EPC2: variants seen among roughly 807,000 people sequenced by gnomAD.
The protein encoded by EPC2 is enhancer of polycomb homolog 2.
A neutral mutation model predicts 92.1 loss-of-function variants in EPC2; 14 were observed. That is an observed-to-expected ratio of 0.15 (90% confidence interval 0.10 to 0.24). The LOEUF (loss-of-function observed/expected upper bound fraction) is 0.24. Among genes scored for constraint, EPC2 ranks in the 10% least tolerant of loss-of-function variants. The pLI is 1.00. For missense variants in EPC2, 755 were observed against 971.5 expected (o/e 0.78, Z 2.96); for synonymous variants, 340 against 334.7 (o/e 1.02, Z -0.17).
chr2:148,657,086 A>G (rs1227315433), intron 1 of EPC2, among the ~76,000 whole-genome samples: 1 of 151,992 alleles, frequency 6.6e-6, no homozygotes, highest in Admixed American at 6.6e-5. Context: ...CAGTTTTGGG[A>G]TCTAGTGTAG....
Position 148,784,732 on chromosome 2 carries a change from A to C in EPC2, c.2082A>C (p.Val694=). Residue 694 remains valine, a synonymous_variant, in exon 13 of 14, where the codon GTA becomes GTC. Coordinates refer to ENST00000258484, the MANE Select transcript of EPC2 (RefSeq NM_015630.4). The part of the protein sequence containing the change: ...ALSSSPGISA[V]QLVRTVGHTT... ...CATCCAGCCCAGGGATTTCAGCTGT[A>C]CAGCTTGTAAGGACAGTTGGCCACA... 1 of 1,613,952 alleles carries C rather than the reference A, an allele frequency of 6.2e-7. No individual in the cohort carries two copies. The highest frequency in any genetic ancestry group is 8.5e-7 in the Non-Finnish European group (1 of 1,179,842).
chr2:148,756,203 C>G (rs757816862), intron 4 of EPC2, among the ~76,000 whole-genome samples: 2 of 152,174 alleles, frequency 1.3e-5, no homozygotes, highest in African/African-American at 2.4e-5. Context: ...TACCCTTTCT[C>G]TTGTTTGTTA....
intron 2 of EPC2, among the ~76,000 whole-genome samples, chr2:148,726,765 G>GTTTTTTTTTTTTTTTTTT (rs201293391): frequency 9.9e-5 from 10 of 100,590 alleles, no homozygotes; most frequent in South Asian, 3.4e-4. Context: ...TTTGTTTTTT[G>GTTTTTTTTTTTTTTTTTT]TTTTTTTTTT....
rs1559140933 is a variant in EPC2 at position 148,663,195 on chromosome 2, TATTA to T, written c.153+18026_153+18029del. Among the ~76,000 whole-genome samples the T allele has an allele frequency of 1.9e-3, 11 of 5,700 alleles. 1 individual carries two copies. In the South Asian group the frequency reaches 0.069, roughly 36 times the overall value. 3.7% of individuals were successfully genotyped at this position (5,700 alleles called of 152,430 possible). On this transcript the variant is annotated intron_variant, in intron 1 of 13. Transcript: ENST00000258484. Reference sequence around the variant, plus strand: ...TCAAAAGGTATCTACTGTGTTTTTGTATTATTATTATTATTATTATTATTATTAT... The same window carrying T: ...TCAAAAGGTATCTACTGTGTTTTTGTTTATTATTATTATTATTATTATTAT...
chr2:148,759,682 T>G (rs1273507198), intron 4 of EPC2, among the ~76,000 whole-genome samples: 2 of 152,102 alleles, frequency 1.3e-5, no homozygotes, highest in Non-Finnish European at 2.9e-5. Context: ...TCAAAAATAG[T>G]ACTGCTGATA....
intron 1 of EPC2, among the ~76,000 whole-genome samples, chr2:148,646,588 TTGTA>T (rs1470474831): frequency 8.7e-6 from 1 of 115,520 alleles, no homozygotes; most frequent in Non-Finnish European, 1.8e-5. Context: ...ACTTTTTTTT[TTGTA>T]TGTGAGAACT....
At chr2:148,699,442 A>G (rs1357584674) in intron 2 of EPC2, among the ~76,000 whole-genome samples, 1 of 152,204 alleles carries the variant, frequency 6.6e-6, no homozygotes, top group Non-Finnish European at 1.5e-5. Context: ...TCGCTGGTAC[A>G]TTCTTCCAAA....
At chr2:148,737,804 G>A (rs754445064) in intron 2 of EPC2, among the ~76,000 whole-genome samples, 6 of 151,632 alleles carry the variant, frequency 4.0e-5, no homozygotes, top group East Asian at 1.9e-4. Flanking sequence ...AATGATAGCC[G>A]ATGAGCTTAA....
At chr2:148,703,840 T>C (rs1348646884) in intron 2 of EPC2, among the ~76,000 whole-genome samples, 2 of 152,148 alleles carry the variant, frequency 1.3e-5, no homozygotes, top group African/African-American at 4.8e-5. Context: ...AAAAAATCAG[T>C]TTTAAAAACA....
chr2:148,701,890 C>G (rs1052650960), intron 2 of EPC2, among the ~76,000 whole-genome samples: 1 of 152,004 alleles, frequency 6.6e-6, no homozygotes, highest in African/African-American at 2.4e-5. Context: ...TGATTTGACT[C>G]TACTTATTAT....
At chr2:148,674,756 C>T (rs1024104875) in intron 1 of EPC2, among the ~76,000 whole-genome samples, 2 of 152,198 alleles carry the variant, frequency 1.3e-5, no homozygotes, top group Non-Finnish European at 2.9e-5. Context: ...AAACCCATTT[C>T]AATGCACGTG....
chr2:148,701,726 G>A (rs935722653), intron 2 of EPC2, among the ~76,000 whole-genome samples: 2 of 152,018 alleles, frequency 1.3e-5, no homozygotes, highest in South Asian at 2.1e-4. Flanking sequence ...TTTAGGATTG[G>A]GGTGATGCTG....
intron 12 of EPC2, among the ~76,000 whole-genome samples, chr2:148,784,255 A>G (rs183195612): frequency 9.8e-5 from 15 of 152,286 alleles, no homozygotes; most frequent in African/African-American, 3.1e-4. Context: ...TGTTATTCCT[A>G]TCATCCTTCA....
At chr2:148,784,242 A>G (rs1332766376) in intron 12 of EPC2, among the ~76,000 whole-genome samples, 1 of 152,104 alleles carries the variant, frequency 6.6e-6, no homozygotes, top group Non-Finnish European at 1.5e-5. Flanking sequence ...GTCCGCAAAG[A>G]CTTGTTATTC....
intron 1 of EPC2, among the ~76,000 whole-genome samples, chr2:148,662,961 G>A (rs1334284825): frequency 6.6e-6 from 1 of 151,704 alleles, no homozygotes; most frequent in Admixed American, 6.6e-5. Flanking sequence ...GCCAGCTTTG[G>A]CTGAGAATAG....
At chr2:148,710,915 C>T (rs1376830696) in intron 2 of EPC2, among the ~76,000 whole-genome samples, 1 of 151,954 alleles carries the variant, frequency 6.6e-6, no homozygotes, top group African/African-American at 2.4e-5. Context: ...TCCCATATAC[C>T]TCCTGTATGC....
At chr2:148,729,529 A>G (rs1307373188) in intron 2 of EPC2, among the ~76,000 whole-genome samples, 1 of 152,110 alleles carries the variant, frequency 6.6e-6, no homozygotes, top group African/African-American at 2.4e-5. Context: ...TTTAGATTTC[A>G]TGTTAAGAAT....
chr2:148,725,220 A>C (rs1456212513), intron 2 of EPC2, among the ~76,000 whole-genome samples: 2 of 152,048 alleles, frequency 1.3e-5, no homozygotes, highest in Non-Finnish European at 2.9e-5. Flanking sequence ...TATTTTAATT[A>C]AATTTTAAAA....
At chr2:148,678,642 G>A (rs183415458) in intron 1 of EPC2, among the ~76,000 whole-genome samples, 4 of 152,364 alleles carry the variant, frequency 2.6e-5, no homozygotes, top group Admixed American at 1.3e-4. Context: ...CCGCTGGCCC[G>A]GGTGCTAAGC....
Sources: gnomAD v4.1 joint callset for allele counts (sites outside exome capture counted in the v4.1 genomes callset) on GRCh38, gnomAD v4.1.1 for gene constraint, MANE v1.5 for transcripts, NCBI Gene and HGNC (gene_info 2026-07-23, HGNC 2026-07-21) for gene names.